The following ARHGEF19 variants were observed in gnomAD, a reference collection of about 807,000 sequenced individuals.
ARHGEF19 encodes the protein Rho guanine nucleotide exchange factor (GEF) 19.
A neutral mutation model predicts 87.6 loss-of-function variants in ARHGEF19; 92 were observed. The ratio of observed to expected loss-of-function variants is 1.05; its 90% CI spans 0.89 to 1.25. ARHGEF19 has a LOEUF of 1.25. Among genes scored for constraint, ARHGEF19 ranks in the 50% most tolerant of loss-of-function variants. The pLI is 0.00. For missense variants in ARHGEF19, 1,054 were observed against 1,051.8 expected (o/e 1.00, Z -0.03); for synonymous variants, 438 against 446.2 (o/e 0.98, Z 0.23).
rs2081173970 is a variant in ARHGEF19 at position 16,209,076 on chromosome 1, A to T, written c.-22T>A. On this transcript the variant is annotated 5_prime_UTR_variant, in exon 2 of 16. Transcript: ENST00000270747. Reference sequence around the variant, plus strand: ...CCATTCCTCTTTTGCTCTGCCACCCACCTGGCCCTGCAGAAGAGAAGATAT... The same window carrying T: ...CCATTCCTCTTTTGCTCTGCCACCCTCCTGGCCCTGCAGAAGAGAAGATAT... 6 of 1,446,872 alleles carry T rather than the reference A, an allele frequency of 4.1e-6. No homozygotes were observed. Among genetic ancestry groups the T allele is most frequent in the Non-Finnish European group, 5.5e-6 (6 of 1,100,280 alleles). 89.6% of individuals were successfully genotyped at this position (1,446,872 alleles called of 1,614,324 possible). A position where few individuals can be genotyped will look rare whatever the true frequency, so the allele number is the denominator to read the frequency against.
chr1:16,206,586 G>GC lies in ARHGEF19; in HGVS notation c.1138-247dup, dbSNP rs1347132648. 1.2e-4 allele frequency: 34 copies of GC among 272,830 alleles called. No homozygotes were observed. Among genetic ancestry groups the GC allele is most frequent in the Admixed American group, 2.9e-4 (4 of 14,004 alleles). The allele number at this position is 272,830 out of a possible 1,614,324, so 16.9% of individuals were successfully genotyped here. A position where few individuals can be genotyped will look rare whatever the true frequency, so the allele number is the denominator to read the frequency against. On this transcript the variant is annotated intron_variant, in intron 6 of 15. Transcript: ENST00000270747. The surrounding 1 kb of genome is among the most constrained non-coding windows in gnomAD (Gnocchi z 4.6). Reference sequence around the variant, plus strand: ...CCCGACGCGTTCTTCCCAGAGCCCCGCCCACCCCCCAGGTCCCGCCCCTGA... The same window carrying GC: ...CCCGACGCGTTCTTCCCAGAGCCCCGCCCCACCCCCCAGGTCCCGCCCCTGA...
Position 16,207,097 on chromosome 1 carries a change from GC to G in ARHGEF19, c.987del (p.Pro330ArgfsTer41), listed in dbSNP as rs1436223505. On this transcript the variant is annotated frameshift_variant, in exon 6 of 16. Transcript: ENST00000270747. LOFTEE classifies it high-confidence loss of function. The surrounding 1 kb of genome is among the most constrained non-coding windows in gnomAD (Gnocchi z 4.0). ...DEAEGAEEGP[G>X]PPRANLSPSS... ...CTGGGGGAGAGGTTGGCCCGCGGCG[GC>G]CCCGGCCCCTCCTCTGCGCCCTCGG... 2.0e-6 allele frequency: 3 copies of G among 1,509,314 alleles called. No homozygotes were observed. Among genetic ancestry groups the G allele is most frequent in the South Asian group, 2.5e-5 (2 of 80,096 alleles). 93.5% of individuals were successfully genotyped at this position (1,509,314 alleles called of 1,614,324 possible).
In ARHGEF19 at chr1:16,198,233, C is replaced by T. The variant is rs974810112; in HGVS notation, c.*354G>A. On this transcript the variant is annotated 3_prime_UTR_variant, in exon 16 of 16. Coordinates refer to ENST00000270747, the MANE Select transcript of ARHGEF19 (RefSeq NM_153213.5). This position sits in a 1 kb window ranked among gnomAD's most constrained non-coding sequence, Gnocchi z 4.1. ...TACATATAGGTCCCAGCACCATCAG[C>T]ACCAGAACGTTCCCCAGCCAGGTCC... The T allele has an allele frequency of 2.1e-5, 4 of 188,672 alleles. No individual in the cohort carries two copies. The highest frequency in any genetic ancestry group is 9.3e-5 in the African/African-American group (4 of 42,902). 11.7% of individuals were successfully genotyped at this position (188,672 alleles called of 1,614,324 possible).
chr1:16,209,763 C>A (rs776364097), intron 1 of ARHGEF19, among the ~76,000 whole-genome samples: 3 of 152,248 alleles, frequency 2.0e-5, no homozygotes, highest in African/African-American at 7.2e-5. Context: ...CAGGTCCTTG[C>A]TCTGATGTTT....
Position 16,205,941 on chromosome 1 carries a change from G to C in ARHGEF19, c.1441C>G (p.Gln481Glu). 6.2e-7 allele frequency: 1 copy of C among 1,609,222 alleles called. No homozygotes were observed. The highest frequency in any genetic ancestry group is 1.3e-5 in the African/African-American group (1 of 75,006). ...TNQAYQERTY[Q>E]RLLLENPRFP... ...AGCCCCCAGCCCTACAGCAGGCGCT[G>C]GTAGGTGCGCTCCTGGTAGGCCTGG... is the stretch of plus-strand genomic sequence containing the variant. Residue 481 changes from glutamine (Q) to glutamate (E), a missense_variant, in exon 8 of 16, where the codon CAG (glutamine) becomes GAG (glutamate). Coordinates refer to ENST00000270747, the MANE Select transcript of ARHGEF19 (RefSeq NM_153213.5). The surrounding 1 kb of genome is among the most constrained non-coding windows in gnomAD (Gnocchi z 5.8).
chr1:16,207,311 C>T lies in ARHGEF19; in HGVS notation c.875-101G>A. 7.0e-7 allele frequency: 1 copy of T among 1,427,974 alleles called. No individual in the cohort carries two copies. The highest frequency in any genetic ancestry group is 9.2e-7 in the Non-Finnish European group (1 of 1,088,580). The allele number at this position is 1,427,974 out of a possible 1,614,324, so 88.5% of individuals were successfully genotyped here. A position where few individuals can be genotyped will look rare whatever the true frequency, so the allele number is the denominator to read the frequency against. ...AGCCCGCGTCACTTAACCTTTGCCG[C>T]GGTTCGGATATCTGGACACAGTGAA... On this transcript the variant is annotated intron_variant, in intron 5 of 15. Transcript: ENST00000270747. The surrounding 1 kb of genome is among the most constrained non-coding windows in gnomAD (Gnocchi z 4.0).
At chr1:16,204,738 C>T in intron 12 of ARHGEF19, 21 bp downstream of exon 12, 3 of 1,558,650 alleles carry the variant, frequency 1.9e-6, no homozygotes, top group Non-Finnish European at 2.6e-6. Flanking sequence ...TACCTACCCA[C>T]CCCTGACTGC....
intron 14 of ARHGEF19, among the ~76,000 whole-genome samples, chr1:16,200,034 G>A (rs221035): frequency 0.74 from 112,046 of 152,106 alleles, 41,476 homozygotes; most frequent in East Asian, 0.85. Context: ...TCAGGGGTCA[G>A]ATGTTAATTG....
At chr1:16,201,509 T>C (rs577103767) in intron 14 of ARHGEF19, among the ~76,000 whole-genome samples, 1 of 152,330 alleles carries the variant, frequency 6.6e-6, no homozygotes, top group African/African-American at 2.4e-5. Flanking sequence ...AGTCCATTTA[T>C]CTCTGAACCT....
chr1:16,201,873 G>A lies in ARHGEF19; in HGVS notation c.2067-12C>T, dbSNP rs757683816. 21 of 1,613,026 alleles carry A rather than the reference G, an allele frequency of 1.3e-5. No homozygotes were observed. Among genetic ancestry groups the A allele is most frequent in the Middle Eastern group, 1.6e-4 (1 of 6,076 alleles). ...GCTGCTTCTCACTTCTAGGGAAGGGGGAGGCTAAGTTGTCACAATATGCAA... is the reference window on the plus strand; with the variant it reads ...GCTGCTTCTCACTTCTAGGGAAGGGAGAGGCTAAGTTGTCACAATATGCAA... On this transcript the variant is annotated splice_polypyrimidine_tract_variant and intron_variant, in intron 13 of 15. Coordinates refer to ENST00000270747, the MANE Select transcript of ARHGEF19 (RefSeq NM_153213.5).
In ARHGEF19 at chr1:16,207,787, G is replaced by A; in HGVS notation, c.695-10C>T. The A allele has an allele frequency of 1.2e-6, 2 of 1,613,242 alleles. No individual in the cohort carries two copies. Among genetic ancestry groups the A allele is most frequent in the East Asian group, 2.2e-5 (1 of 44,874 alleles). On this transcript the variant is annotated splice_polypyrimidine_tract_variant and intron_variant, in intron 3 of 15. Transcript: ENST00000270747. The surrounding 1 kb of genome is among the most constrained non-coding windows in gnomAD (Gnocchi z 4.0). ...ATTCCAGATGCTTTCCCTGGAGAGG[G>A]CGAGAACTGAGGGTGGGGGGTCCAG...
rs912108518 is a variant in ARHGEF19, at chr1:16,208,407, C to T, written c.413-182G>A. 2.6e-5 allele frequency among the ~76,000 whole-genome samples: 4 copies of T among 152,322 alleles called. No individual in the cohort carries two copies. The East Asian group carries it at 5.8e-4, about 22-fold the overall frequency. On this transcript the variant is annotated intron_variant, in intron 2 of 15. Coordinates refer to ENST00000270747, the MANE Select transcript of ARHGEF19 (RefSeq NM_153213.5). ...GTCCACGAGAGGGGTAAGGAGAGCA[C>T]AGGGCCTGGCTGCAGTAGACAGAGG...
intron 1 of ARHGEF19, 59 bp from the exon 2 acceptor site, chr1:16,209,142 C>T: frequency 7.5e-7 from 1 of 1,330,816 alleles, no homozygotes; most frequent in Non-Finnish European, 9.7e-7. Flanking sequence ...CAGTAAGCCA[C>T]CACCCCTGGA....
At position 16,207,342 on chromosome 1, in the gene ARHGEF19, TC is replaced by T. The variant is rs2081149721; in HGVS notation, c.875-133del. 5 of 1,249,132 alleles carry T rather than the reference TC, an allele frequency of 4.0e-6. No individual in the cohort carries two copies. The African/African-American group carries it at 4.5e-5, about 11-fold the overall frequency. The allele number at this position is 1,249,132 out of a possible 1,614,324, so 77.4% of individuals were successfully genotyped here. A position where few individuals can be genotyped will look rare whatever the true frequency, so the allele number is the denominator to read the frequency against. On this transcript the variant is annotated intron_variant, in intron 5 of 15. Transcript: ENST00000270747. This position sits in a 1 kb window ranked among gnomAD's most constrained non-coding sequence, Gnocchi z 4.0. Reference sequence around the variant, plus strand: ...GGATATCTGGACACAGTGAATTCATTCATTCATTCATTCATTCCATAAACAA... The same window carrying T: ...GGATATCTGGACACAGTGAATTCATTATTCATTCATTCATTCCATAAACAA...
rs748996867 is a variant in ARHGEF19, at chr1:16,207,555, T to A, written c.841A>T (p.Asn281Tyr). 2.5e-6 allele frequency: 4 copies of A among 1,613,820 alleles called. No individual in the cohort carries two copies. The highest frequency in any genetic ancestry group is 3.4e-6 in the Non-Finnish European group (4 of 1,179,996). ...AGGAATCGAGACTGGCGCCGCTCGT[T>A]GGTGCTCCTGGACCCCAAAGGCGGC... is the stretch of plus-strand genomic sequence containing the variant. ...EEPPLGSRSTNERRQSRFLLN... is the reference protein window; with the variant it reads ...EEPPLGSRSTYERRQSRFLLN... The change falls in exon 5 of 16, where the codon AAC becomes TAC. Residue 281 changes from asparagine to tyrosine, a missense_variant. Physicochemically the swap from Asn to Tyr is moderately radical, Grantham distance 143. Coordinates refer to ENST00000270747, the MANE Select transcript of ARHGEF19 (RefSeq NM_153213.5). This position sits in a 1 kb window ranked among gnomAD's most constrained non-coding sequence, Gnocchi z 4.0.
Position 16,208,709 on chromosome 1 carries a change from G to A in ARHGEF19, c.346C>T (p.Pro116Ser). ...PGAQPPALEG[P>S]WSPRHTQPQR... ...GGCTGTGTGTGTCGGGGACTCCAGGGTCCCTCCAGAGCTGGGGGCTGGGCA... is the reference window on the plus strand; with the variant it reads ...GGCTGTGTGTGTCGGGGACTCCAGGATCCCTCCAGAGCTGGGGGCTGGGCA... Residue 116 changes from proline to serine, a missense_variant, in exon 2 of 16, where the codon CCC becomes TCC. Pro to Ser is a moderately conservative substitution (Grantham distance 74). Transcript: ENST00000270747. 1 of 1,607,794 alleles carries A rather than the reference G, an allele frequency of 6.2e-7. No homozygotes were observed. Among genetic ancestry groups the A allele is most frequent in the Non-Finnish European group, 8.5e-7 (1 of 1,178,100 alleles).
At position 16,206,409 on chromosome 1, in the gene ARHGEF19, C is replaced by A. The variant is rs1026986173; in HGVS notation, c.1138-69G>T. The A allele has an allele frequency of 1.1e-5, 17 of 1,517,098 alleles. No homozygotes were observed. The African/African-American group carries it at 2.2e-4, about 20-fold the overall frequency. 94.0% of individuals were successfully genotyped at this position (1,517,098 alleles called of 1,614,324 possible). A position where few individuals can be genotyped will look rare whatever the true frequency, so the allele number is the denominator to read the frequency against. ...ACCTCGGAGGCCCTGGCCTCACATC[C>A]CCAGACCCCAGGACGCCACACCTCG... On this transcript the variant is annotated intron_variant, in intron 6 of 15. Transcript: ENST00000270747. This position sits in a 1 kb window ranked among gnomAD's most constrained non-coding sequence, Gnocchi z 4.6.
In ARHGEF19 at chr1:16,205,606, G is replaced by A. The variant is rs368323780; in HGVS notation, c.1513C>T (p.Arg505Cys). ...ATAAGGAAGGAGGTAAGGGGCAGAC[G>A]CTGGCACACAGGAGACTCCTCCAGG... is the stretch of plus-strand genomic sequence containing the variant. ...ARLEESPVCQ[R>C]LPLTSFLILP... Residue 505 changes from arginine to cysteine, a missense_variant, in exon 9 of 16, where the codon CGT becomes TGT. Arg to Cys is a radical substitution (Grantham distance 180). Coordinates refer to ENST00000270747, the MANE Select transcript of ARHGEF19 (RefSeq NM_153213.5). The surrounding 1 kb of genome is among the most constrained non-coding windows in gnomAD (Gnocchi z 5.8). The A allele has an allele frequency of 2.5e-6, 4 of 1,613,878 alleles. No homozygotes were observed. The highest frequency in any genetic ancestry group is 1.1e-5 in the South Asian group (1 of 91,060).
Position 16,201,805 on chromosome 1 carries a change from T to C in ARHGEF19, c.2123A>G (p.Lys708Arg). 1 of 1,613,808 alleles carries C rather than the reference T, an allele frequency of 6.2e-7. No homozygotes were observed. Among genetic ancestry groups the C allele is most frequent in the African/African-American group, 1.3e-5 (1 of 75,024 alleles). Residue 708 changes from lysine to arginine, a missense_variant, in exon 14 of 16, where the codon AAG (lysine) becomes AGG (arginine). Lys to Arg is a conservative substitution (Grantham distance 26). Coordinates refer to ENST00000270747, the MANE Select transcript of ARHGEF19 (RefSeq NM_153213.5). ...ALCPSSPQED[K>R]EVISEGEDCP... is the part of the protein sequence containing the mutation. Reference sequence around the variant, plus strand: ...ACCTTCCCCCTCACTGATGACCTCCTTGTCCTCCTGGGGGCTGGAGGGGCA... The same window carrying C: ...ACCTTCCCCCTCACTGATGACCTCCCTGTCCTCCTGGGGGCTGGAGGGGCA...
Sources: gnomAD v4.1 joint callset for allele counts (sites outside exome capture counted in the v4.1 genomes callset) on GRCh38, gnomAD v4.1.1 for gene constraint, Gnocchi (gnomAD v3.1) non-coding constraint, MANE v1.5 for transcripts, NCBI Gene and HGNC (gene_info 2026-07-23, HGNC 2026-07-21) for gene names.